The following EYS variants were observed in gnomAD, a reference collection of about 807,000 sequenced individuals.
EYS encodes EGF-like photoreceptor maintenance factor.
EYS carries 250 observed loss-of-function variants against 282.1 expected under a neutral mutation model. The observed-to-expected ratio is 0.89, with a 90% CI of 0.80 to 0.98. The LOEUF (loss-of-function observed/expected upper bound fraction) is 0.98, where lower values mean the gene tolerates loss of function less well. EYS is among the 50% of genes least tolerant of loss of function. The pLI is 0.00. For missense variants in EYS, 4,016 were observed against 3,709.0 expected, an observed-to-expected ratio of 1.08 and a Z score of -2.15; for synonymous variants, 1,355 against 1,282.9, an observed-to-expected ratio of 1.06 and a Z score of -1.20.
At chr6:64,594,512 T>TA in intron 24 of EYS, among the ~76,000 whole-genome samples, 1 of 151,790 alleles carries the variant, frequency 6.6e-6, no homozygotes, top group Non-Finnish European at 1.5e-5. Context: ...AATGCAGCCA[T>TA]AAAAAAGGAT....
At chr6:64,482,390 T>C (rs1776460726) in intron 26 of EYS, among the ~76,000 whole-genome samples, 1 of 151,738 alleles carries the variant, frequency 6.6e-6, no homozygotes, top group African/African-American at 2.4e-5. Flanking sequence ...TCAAAATACT[T>C]TGCCTATATA....
chr6:64,022,594 G>GA (rs34776653), intron 33 of EYS, among the ~76,000 whole-genome samples: 55,829 of 151,952 alleles, frequency 0.37, 10,572 homozygotes, highest in African/African-American at 0.45. Flanking sequence ...ACAGAGTTCA[G>GA]AGCCAGAAAG....
At chr6:65,309,506 G>C (rs1769099215) in intron 11 of EYS, among the ~76,000 whole-genome samples, 1 of 152,118 alleles carries the variant, frequency 6.6e-6, no homozygotes, top group South Asian at 2.1e-4. Flanking sequence ...CCTATGACTA[G>C]ATATCAGATA....
chr6:65,200,982 T>C (rs1451865220), intron 12 of EYS, among the ~76,000 whole-genome samples: 1 of 152,150 alleles, frequency 6.6e-6, no homozygotes, highest in Admixed American at 6.6e-5. Flanking sequence ...TTTTAAAGTT[T>C]TCTAGGGGCT....
intron 12 of EYS, among the ~76,000 whole-genome samples, chr6:65,180,648 T>A (rs1177225198): frequency 6.6e-6 from 1 of 152,116 alleles, no homozygotes; most frequent in African/African-American, 2.4e-5. Context: ...AATTTATAGA[T>A]ACAATGCCAT....
At chr6:64,873,887 TC>T (rs1462076858) in intron 19 of EYS, among the ~76,000 whole-genome samples, 3 of 152,046 alleles carry the variant, frequency 2.0e-5, no homozygotes. Context: ...CACATTTTTT[TC>T]TTTTTGCATT....
chr6:65,205,134 T>A (rs184918846), intron 12 of EYS, among the ~76,000 whole-genome samples: 1 of 148,916 alleles, frequency 6.7e-6, no homozygotes, highest in East Asian at 2.0e-4. Context: ...TATCTCCAAC[T>A]GTCGGCTGCC....
At chr6:65,321,430 A>G (rs1236435228) in intron 11 of EYS, among the ~76,000 whole-genome samples, 8 of 152,042 alleles carry the variant, frequency 5.3e-5, no homozygotes, top group African/African-American at 1.9e-4. Context: ...CAAGCCAGCT[A>G]GAATAAATAT....
At chr6:64,551,675 C>T (rs1245085400) in intron 26 of EYS, among the ~76,000 whole-genome samples, 1 of 151,668 alleles carries the variant, frequency 6.6e-6, no homozygotes, top group Non-Finnish European at 1.5e-5. Context: ...TACCAAGGAC[C>T]ACAAGCACCC....
chr6:65,332,345 C>A (rs1437998229), intron 11 of EYS: 4 of 778,376 alleles, frequency 5.1e-6, no homozygotes, highest in Non-Finnish European at 6.8e-6. Flanking sequence ...CGATAAATCC[C>A]ACCTGGTCAT....
chr6:64,626,977 A>G (rs1767629771), intron 22 of EYS, among the ~76,000 whole-genome samples: 1 of 152,198 alleles, frequency 6.6e-6, no homozygotes, highest in African/African-American at 2.4e-5. Context: ...ATATGGAAAG[A>G]GTCAATAGGT....
chr6:63,903,626 C>T (rs1448026963), intron 35 of EYS, among the ~76,000 whole-genome samples: 1 of 152,200 alleles, frequency 6.6e-6, no homozygotes, highest in Non-Finnish European at 1.5e-5. Context: ...TACCCCGCTA[C>T]ACTTATAACT....
intron 12 of EYS, among the ~76,000 whole-genome samples, chr6:65,083,862 G>A (rs944022810): frequency 4.0e-5 from 6 of 151,518 alleles, no homozygotes; most frequent in Non-Finnish European, 8.8e-5. Flanking sequence ...TAATCTGAAG[G>A]TGATAATTTT....
chr6:63,771,823 C>G (rs529388004), intron 40 of EYS, among the ~76,000 whole-genome samples: 116 of 152,236 alleles, frequency 7.6e-4, no homozygotes, highest in African/African-American at 2.3e-3. Flanking sequence ...CTACACTCTT[C>G]AAATAAGTTT....
chr6:63,757,025 A>T lies in EYS; in HGVS notation c.8071+5436T>A, dbSNP rs559714007. The stretch of plus-strand genomic sequence containing the variant: ...ATCAGTGCACCTTGAAAAAGAACAG[A>T]ATAACAGCAATTTTAGGGAACAAGG... On this transcript the variant is annotated intron_variant, in intron 41 of 42. Coordinates refer to ENST00000503581, the MANE Select transcript of EYS (RefSeq NM_001142800.2). 2.8e-4 allele frequency among the ~76,000 whole-genome samples: 42 copies of T among 152,220 alleles called. 1 individual carries two copies. The South Asian group carries it at 8.5e-3, about 31-fold the overall frequency.
intron 2 of EYS, among the ~76,000 whole-genome samples, chr6:65,522,686 T>C (rs763412035): frequency 1.6e-4 from 25 of 152,242 alleles, no homozygotes; most frequent in Non-Finnish European, 2.1e-4. Context: ...ATTTTGCATA[T>C]TATGTATAGT....
At chr6:64,915,905 G>T (rs1768145743) in intron 15 of EYS, among the ~76,000 whole-genome samples, 1 of 151,988 alleles carries the variant, frequency 6.6e-6, no homozygotes, top group South Asian at 2.1e-4. Flanking sequence ...CTCCTCTCAA[G>T]TTCCTGTTTT....
At chr6:64,801,819 T>C (rs1008560197) in intron 22 of EYS, among the ~76,000 whole-genome samples, 8 of 151,962 alleles carry the variant, frequency 5.3e-5, no homozygotes, top group Admixed American at 5.2e-4. Flanking sequence ...AAGAAGGAAG[T>C]GGACATGGTA....
chr6:65,699,018 C>G (rs138129339), intron 1 of EYS, among the ~76,000 whole-genome samples: 1 of 152,138 alleles, frequency 6.6e-6, no homozygotes, highest in Non-Finnish European at 1.5e-5. Flanking sequence ...TGATTCAGCA[C>G]GAGCTTTATT....
Sources: allele counts gnomAD v4.1 joint callset (sites outside exome capture counted in the v4.1 genomes callset), GRCh38; gene constraint gnomAD v4.1.1; transcripts MANE v1.5; gene names NCBI Gene and HGNC (gene_info 2026-07-23, HGNC 2026-07-21).